GPLD1: variants seen among roughly 807,000 people sequenced by gnomAD.
The protein encoded by GPLD1 is phosphatidylinositol-glycan-specific phospholipase D.
Under a neutral mutation model 112.6 loss-of-function variants are expected in GPLD1, and 84 were observed. The observed-to-expected ratio is 0.75, with a 90% CI of 0.63 to 0.89. The LOEUF is 0.89. Ranked by LOEUF, GPLD1 falls within the 40% of genes least tolerant of loss-of-function variation. GPLD1 has a pLI of 0.00. For missense variants in GPLD1, 1,044 were observed against 1,051.5 expected (o/e 0.99, Z 0.10); for synonymous variants, 386 against 403.8 (o/e 0.96, Z 0.53).
rs1764104786 is a variant in GPLD1 at position 24,478,756 on chromosome 6, C to T, written c.232+1125G>A. Among the ~76,000 whole-genome samples, 3 of 113,254 alleles carry T rather than the reference C, an allele frequency of 2.6e-5. No individual in the cohort carries two copies. In the South Asian group the frequency reaches 8.2e-4, roughly 31 times the overall value. The allele number at this position is 113,254 out of a possible 152,430, so 74.3% of individuals were successfully genotyped here. A position where few individuals can be genotyped will look rare whatever the true frequency, so the allele number is the denominator to read the frequency against. ...CAGCTCTCAAGTGGTCCTCTTCATG[C>T]AGCTCTCTCTCTCCACGGTTCCAGT... On this transcript the variant is annotated intron_variant, in intron 3 of 24. Coordinates refer to ENST00000230036, the MANE Select transcript of GPLD1 (RefSeq NM_001503.4).
chr6:24,482,364 T>G lies in GPLD1; in HGVS notation c.154-2405A>C, dbSNP rs532984941. ...GGCATGATCTCGGCTCACTGCAACCTCTACCTCCCAGGTTCAAGTGATTCT... is the reference window on the plus strand; with the variant it reads ...GGCATGATCTCGGCTCACTGCAACCGCTACCTCCCAGGTTCAAGTGATTCT... On this transcript the variant is annotated intron_variant, in intron 2 of 24. Coordinates refer to ENST00000230036, the MANE Select transcript of GPLD1 (RefSeq NM_001503.4). 2.6e-5 allele frequency among the ~76,000 whole-genome samples: 4 copies of G among 152,154 alleles called. No homozygotes were observed. The East Asian group carries it at 7.7e-4, about 29-fold the overall frequency.
chr6:24,495,257 G>C, upstream of GPLD1: 1 of 1,532,106 alleles, frequency 6.5e-7, no homozygotes, highest in Non-Finnish European at 8.7e-7. Context: ...GCGCCGCTCT[G>C]GGCATGGTAG....
intron 20 of GPLD1, among the ~76,000 whole-genome samples, chr6:24,444,019 A>C (rs1001911997): frequency 3.3e-5 from 5 of 152,206 alleles, no homozygotes; most frequent in Non-Finnish European, 5.9e-5. Flanking sequence ...CCCATATTGC[A>C]AGAAACAACA....
At chr6:24,465,832 T>C (rs1763587334) in intron 10 of GPLD1, among the ~76,000 whole-genome samples, 1 of 152,212 alleles carries the variant, frequency 6.6e-6, no homozygotes, top group South Asian at 2.1e-4. Flanking sequence ...GTTTTACAAA[T>C]GCATTTATTT....
chr6:24,489,312 G>T, intron 1 of GPLD1, 103 bp downstream of exon 1: 2 of 860,940 alleles, frequency 2.3e-6, no homozygotes, highest in African/African-American at 1.7e-5. Context: ...TCAGTGCCCA[G>T]GGGAAACTGT....
chr6:24,446,267 G>C (rs1762906302), intron 18 of GPLD1, among the ~76,000 whole-genome samples: 1 of 152,078 alleles, frequency 6.6e-6, no homozygotes, highest in Admixed American at 6.5e-5. Flanking sequence ...GAAGAGGAGA[G>C]GCAGGAGGAT....
chr6:24,444,444 T>A (rs1762843968), intron 20 of GPLD1, among the ~76,000 whole-genome samples: 1 of 152,086 alleles, frequency 6.6e-6, no homozygotes, highest in African/African-American at 2.4e-5. Flanking sequence ...TTTCAGAAGT[T>A]TCCACAATAA....
intron 1 of GPLD1, among the ~76,000 whole-genome samples, chr6:24,487,774 C>G (rs187831454): frequency 1.9e-4 from 29 of 152,256 alleles, no homozygotes; most frequent in Admixed American, 9.8e-4. Flanking sequence ...TCCTCTTTTC[C>G]ATTGTTTCCT....
rs1205657064 is a variant in GPLD1 at position 24,447,941 on chromosome 6, T to C, written c.1614A>G (p.Pro538=). 6.2e-7 allele frequency: 1 copy of C among 1,614,000 alleles called. No homozygotes were observed. The highest frequency in any genetic ancestry group is 1.3e-5 in the African/African-American group (1 of 74,986). Residue 538 remains proline (P), a synonymous_variant, in exon 17 of 25, where the codon CCA becomes CCG. Transcript: ENST00000230036. ...CAATTCCCTTCTGCTTCCCTCCACC[T>C]GGTGCAAAAGGGGAGCCGATGACCA... is the stretch of plus-strand genomic sequence containing the variant. ...PDLVIGSPFA[P]GGGKQKGIVA... is the part of the protein sequence containing the mutation.
Position 24,450,179 on chromosome 6 carries a change from T to C in GPLD1, c.1336-280A>G, listed in dbSNP as rs561930277. Among the ~76,000 whole-genome samples, 8 of 152,354 alleles carry C rather than the reference T, an allele frequency of 5.3e-5. No homozygotes were observed. In the East Asian group the frequency reaches 7.7e-4, roughly 15 times the overall value. ...GATTTGTAGAAAATAGCCTCGTGTA[T>C]GTTCAGACCCACATTAAGCACAAAA... On this transcript the variant is annotated intron_variant, in intron 14 of 24. Transcript: ENST00000230036.
chr6:24,454,167 G>T lies in GPLD1; in HGVS notation c.1183C>A (p.His395Asn). 6.2e-7 allele frequency: 1 copy of T among 1,613,596 alleles called. No individual in the cohort carries two copies. The highest frequency in any genetic ancestry group is 8.5e-7 in the Non-Finnish European group (1 of 1,179,760). Residue 395 changes from histidine to asparagine, a missense_variant, in exon 14 of 25, where the codon CAC becomes AAC. His to Asn is a moderately conservative substitution (Grantham distance 68). Transcript: ENST00000230036. Reference protein sequence around the residue: ...MTSADLNQDGHGDLVVGAPGY... With the variant: ...MTSADLNQDGNGDLVVGAPGY... ...GGTGCGCCCACCACGAGGTCACCGT[G>T]CCCATCCTGGTTGAGGTCAGCTGAG...
At chr6:24,486,306 T>C (rs916393350) in intron 1 of GPLD1, among the ~76,000 whole-genome samples, 176 bp from the exon 2 acceptor site, 1 of 152,200 alleles carries the variant, frequency 6.6e-6, no homozygotes, top group African/African-American at 2.4e-5. Context: ...TTGTGCAGTA[T>C]TTCTATTGTT....
At chr6:24,425,589 T>A (rs1762207322), downstream of GPLD1, 1 of 152,250 alleles carries the variant, frequency 6.6e-6, no homozygotes, top group African/African-American at 2.4e-5. Flanking sequence ...GCCAAAAATA[T>A]ATGAAGTTCC....
At position 24,456,531 on chromosome 6, in the gene GPLD1, T is replaced by A; in HGVS notation, c.1115A>T (p.Tyr372Phe). 1 of 1,610,402 alleles carries A rather than the reference T, an allele frequency of 6.2e-7. No homozygotes were observed. Among genetic ancestry groups the A allele is most frequent in the Non-Finnish European group, 8.5e-7 (1 of 1,177,158 alleles). ...QKHVSSPLASYFLSFPYARLG... is the reference protein window; with the variant it reads ...QKHVSSPLASFFLSFPYARLG... ...CCTCGCATAAGGAAATGACAAGAAGTAAGATGCTAAGGGGCTGGAGACGTG... is the reference window on the plus strand; with the variant it reads ...CCTCGCATAAGGAAATGACAAGAAGAAAGATGCTAAGGGGCTGGAGACGTG... The change falls in exon 13 of 25, where the codon TAC becomes TTC. Residue 372 changes from tyrosine (Y) to phenylalanine (F), a missense_variant. By Grantham distance (22) the Tyr-to-Phe change is conservative. Coordinates refer to ENST00000230036, the MANE Select transcript of GPLD1 (RefSeq NM_001503.4).
intron 14 of GPLD1, among the ~76,000 whole-genome samples, chr6:24,451,345 T>C (rs1763078696): frequency 6.7e-6 from 1 of 150,262 alleles, no homozygotes; most frequent in South Asian, 2.1e-4. Flanking sequence ...TTTTTTGTTT[T>C]TGTTTTTTGT....
Position 24,446,902 on chromosome 6 carries a change from C to T in GPLD1, c.1756G>A (p.Gly586Ser), listed in dbSNP as rs1385140646. 24 of 1,614,008 alleles carry T rather than the reference C, an allele frequency of 1.5e-5. No individual in the cohort carries two copies. In the East Asian group the frequency reaches 2.5e-4, roughly 16 times the overall value. ...AAGGTTCTGTTGTCCACAGTGACAC[C>T]GTGAAGGGAATATCCAAACCAGGAG... ...DFSWFGYSLHGVTVDNRTLLL... is the reference protein window; with the variant it reads ...DFSWFGYSLHSVTVDNRTLLL... The change falls in exon 18 of 25, where the codon GGT becomes AGT. Residue 586 changes from glycine to serine, a missense_variant. Coordinates refer to ENST00000230036, the MANE Select transcript of GPLD1 (RefSeq NM_001503.4).
rs1164640012 is a variant in GPLD1, at chr6:24,495,149, G to C, written n.57C>G. On this transcript the variant is annotated non_coding_transcript_exon_variant, in exon 1 of 11. Transcript: ENST00000474784. The stretch of plus-strand genomic sequence containing the variant: ...AGCTCCGCTGCTACGCTGGGCGCCT[G>C]GCGGGCCTCTCTGCGGCGCTGCTGC... 2 of 1,428,196 alleles carry C rather than the reference G, an allele frequency of 1.4e-6. No individual in the cohort carries two copies. The highest frequency in any genetic ancestry group is 1.5e-5 in the African/African-American group (1 of 66,672). The allele number at this position is 1,428,196 out of a possible 1,614,324, so 88.5% of individuals were successfully genotyped here.
Position 24,446,913 on chromosome 6 carries a change from T to C in GPLD1, c.1745A>G (p.Tyr582Cys), listed in dbSNP as rs754936577. The change falls in exon 18 of 25, where the codon TAT (tyrosine) becomes TGT (cysteine). Residue 582 changes from tyrosine to cysteine, a missense_variant. Coordinates refer to ENST00000230036, the MANE Select transcript of GPLD1 (RefSeq NM_001503.4). Reference protein sequence around the residue: ...RGEEDFSWFGYSLHGVTVDNR... With the variant: ...RGEEDFSWFGCSLHGVTVDNR... ...GTCCACAGTGACACCGTGAAGGGAA[T>C]ATCCAAACCAGGAGAAGTCTTCCTC... is the stretch of plus-strand genomic sequence containing the variant. 8.7e-6 allele frequency: 14 copies of C among 1,613,850 alleles called. No individual in the cohort carries two copies. The South Asian group carries it at 1.2e-4, about 14-fold the overall frequency.
chr6:24,458,432 T>C (rs1004708324), intron 12 of GPLD1, among the ~76,000 whole-genome samples: 1 of 152,152 alleles, frequency 6.6e-6, no homozygotes, highest in Non-Finnish European at 1.5e-5. Context: ...ATAAAGTCCC[T>C]CCTTAGACAA....
Sources: allele counts gnomAD v4.1 joint callset (sites outside exome capture counted in the v4.1 genomes callset), GRCh38; gene constraint gnomAD v4.1.1; transcripts MANE v1.5; gene names NCBI Gene and HGNC (gene_info 2026-07-23, HGNC 2026-07-21).